Variants in TUSC3 observed in about 807,000 individuals in gnomAD.
The protein encoded by TUSC3 is tumor suppressor candidate 3.
In TUSC3, 45 loss-of-function variants were observed where a neutral mutation model predicts 44.8. The ratio of observed to expected loss-of-function variants is 1.00; its 90% CI spans 0.79 to 1.29. The LOEUF (loss-of-function observed/expected upper bound fraction) is 1.29. Among genes scored for constraint, TUSC3 ranks in the 50% most tolerant of loss-of-function variants. TUSC3 has a pLI of 0.00. For missense variants in TUSC3, 519 were observed against 437.9 expected, an observed-to-expected ratio of 1.19 and a Z score of -1.65; for synonymous variants, 212 against 152.9, an observed-to-expected ratio of 1.39 and a Z score of -2.85.
At chr8:15,609,987 A>T (rs554642104) in intron 1 of TUSC3, among the ~76,000 whole-genome samples, 1 of 151,810 alleles carries the variant, frequency 6.6e-6, no homozygotes, top group African/African-American at 2.4e-5. Context: ...CTGGTATTTT[A>T]TTGTATTATT....
the TUSC3 span, among the ~76,000 whole-genome samples, chr8:15,835,106 C>T: frequency 1.3e-5 from 2 of 152,146 alleles, no homozygotes; most frequent in African/African-American, 4.8e-5. Context: ...TCATGCTACT[C>T]TTCAGTAACT....
downstream of TUSC3, among the ~76,000 whole-genome samples, chr8:15,767,915 T>C (rs1274220154): frequency 3.3e-5 from 5 of 152,216 alleles, no homozygotes; most frequent in African/African-American, 9.6e-5. Context: ...GAATAAGGAA[T>C]TGGAAACAAT....
the TUSC3 span, among the ~76,000 whole-genome samples, chr8:15,841,724 G>A: frequency 4.6e-5 from 7 of 152,200 alleles, no homozygotes; most frequent in Non-Finnish European, 8.8e-5. Flanking sequence ...ATGTTGGCAA[G>A]GCTGGTCTTG....
chr8:15,634,993 G>T (rs913078874), intron 2 of TUSC3, among the ~76,000 whole-genome samples: 25 of 152,112 alleles, frequency 1.6e-4, no homozygotes, highest in African/African-American at 5.8e-4. Flanking sequence ...TATTAACTAA[G>T]ACCATGTCAG....
chr8:15,723,567 G>C (rs1810387215), intron 6 of TUSC3, among the ~76,000 whole-genome samples: 1 of 152,068 alleles, frequency 6.6e-6, no homozygotes, highest in Non-Finnish European at 1.5e-5. Context: ...CTTGGCCTGA[G>C]AATTTTATCA....
intron 6 of TUSC3, among the ~76,000 whole-genome samples, chr8:15,685,490 A>C (rs913162697): frequency 1.3e-5 from 2 of 152,192 alleles, no homozygotes; most frequent in African/African-American, 4.8e-5. Context: ...TGAAGATTTT[A>C]AAAATTCTTA....
intron 2 of TUSC3, among the ~76,000 whole-genome samples, chr8:15,646,504 C>G (rs1413695109): frequency 6.6e-6 from 1 of 151,938 alleles, no homozygotes; most frequent in Non-Finnish European, 1.5e-5. Context: ...TGAATTCATG[C>G]TCTTTGACTC....
chr8:15,732,469 C>A (rs1159869428), intron 7 of TUSC3, among the ~76,000 whole-genome samples: 1 of 152,158 alleles, frequency 6.6e-6, no homozygotes, highest in Non-Finnish European at 1.5e-5. Flanking sequence ...TCCGTTAAAC[C>A]TTTGTTTCTT....
At chr8:15,484,933 T>G (rs1338063367) in intron 2 of TUSC3, among the ~76,000 whole-genome samples, 2 of 152,192 alleles carry the variant, frequency 1.3e-5, no homozygotes, top group African/African-American at 4.8e-5. Context: ...TTGTAAAAAC[T>G]TATTGAGTAA....
At chr8:15,810,281 A>G in the TUSC3 span, among the ~76,000 whole-genome samples, 1 of 152,170 alleles carries the variant, frequency 6.6e-6, no homozygotes, top group Non-Finnish European at 1.5e-5. Context: ...GGCTTAGAGT[A>G]CTGCATGTTA....
At chr8:15,536,539 G>A (rs542283913), upstream of TUSC3, among the ~76,000 whole-genome samples, 83 of 151,594 alleles carry the variant, frequency 5.5e-4, no homozygotes, top group African/African-American at 2.0e-3. Context: ...AAAATTAGCC[G>A]GGCGTGGTGG....
intron 1 of TUSC3, among the ~76,000 whole-genome samples, chr8:15,607,451 G>T (rs1424501988): frequency 6.6e-6 from 1 of 152,052 alleles, no homozygotes; most frequent in Non-Finnish European, 1.5e-5. Flanking sequence ...ATAATTTAGT[G>T]TAACAAAGCA....
intron 1 of TUSC3, among the ~76,000 whole-genome samples, chr8:15,434,086 G>C (rs1261256836): frequency 6.6e-6 from 1 of 152,136 alleles, no homozygotes; most frequent in Non-Finnish European, 1.5e-5. Context: ...CAACGTGAGA[G>C]AATTCCATTT....
At chr8:15,732,986 A>T (rs1810784394) in intron 7 of TUSC3, among the ~76,000 whole-genome samples, 1 of 152,204 alleles carries the variant, frequency 6.6e-6, no homozygotes, top group Non-Finnish European at 1.5e-5. Flanking sequence ...TTAAGAAACT[A>T]CTGTGAGGAG....
intron 2 of TUSC3, among the ~76,000 whole-genome samples, chr8:15,642,782 T>C (rs1057472262): frequency 6.6e-6 from 1 of 152,144 alleles, no homozygotes; most frequent in Non-Finnish European, 1.5e-5. Context: ...TGCTTTGTTG[T>C]TTTGTTTTTA....
Position 15,749,594 on chromosome 8 carries a change from G to A in TUSC3, c.1028+1129G>A, listed in dbSNP as rs189220718. ...ATTTTTAAAAATATCTGTTCTGAGG[G>A]CAGCAAGGGTTATGAGAGAGGCAAG... On this transcript the variant is annotated intron_variant, in intron 9 of 10. Coordinates refer to ENST00000503731, the MANE Select transcript of TUSC3 (RefSeq NM_006765.4). Among the ~76,000 whole-genome samples, 101 of 151,956 alleles carry A rather than the reference G, an allele frequency of 6.6e-4. No homozygotes were observed. In the East Asian group the frequency reaches 0.013, roughly 19 times the overall value.
intron 6 of TUSC3, among the ~76,000 whole-genome samples, chr8:15,692,507 A>G (rs1481888372): frequency 6.9e-6 from 1 of 145,522 alleles, no homozygotes. Context: ...GCTTTTTATT[A>G]CTTATTCAAT....
the TUSC3 span, among the ~76,000 whole-genome samples, chr8:15,794,750 ATAGT>A: frequency 2.6e-5 from 4 of 152,080 alleles, no homozygotes; most frequent in Admixed American, 1.3e-4. Flanking sequence ...TTTATAATTG[ATAGT>A]AAGCACATTT....
chr8:15,753,354 A>G (rs1811787141), intron 9 of TUSC3, among the ~76,000 whole-genome samples: 1 of 152,036 alleles, frequency 6.6e-6, no homozygotes, highest in Non-Finnish European at 1.5e-5. Flanking sequence ...TTGTTCAGCA[A>G]GCTTTCATAA....
Sources: gnomAD v4.1 joint callset for allele counts (sites outside exome capture counted in the v4.1 genomes callset) on GRCh38, gnomAD v4.1.1 for gene constraint, MANE v1.5 for transcripts, NCBI Gene and HGNC (gene_info 2026-07-23, HGNC 2026-07-21) for gene names.